OSBP2: variants seen among roughly 807,000 people sequenced by gnomAD.
OSBP2 encodes the protein oxysterol-binding protein 2.
Under a neutral mutation model 96.0 loss-of-function variants are expected in OSBP2, and 66 were observed. That is an observed-to-expected ratio of 0.69 (90% confidence interval 0.56 to 0.84). The LOEUF is 0.84. Ranked by LOEUF, OSBP2 falls within the 40% of genes least tolerant of loss-of-function variation. The pLI is 0.00. For missense variants in OSBP2, 1,038 were observed against 1,222.7 expected, an observed-to-expected ratio of 0.85 and a Z score of 2.25; for synonymous variants, 525 against 520.9, an observed-to-expected ratio of 1.01 and a Z score of -0.11.
At chr22:30,703,491 T>C (rs928914688) in intron 1 of OSBP2, among the ~76,000 whole-genome samples, 28 of 150,978 alleles carry the variant, frequency 1.9e-4, no homozygotes, top group African/African-American at 6.6e-4. Context: ...TTTTTTTTTT[T>C]TTTAGACAGA....
rs2089752019 is a variant in OSBP2, at chr22:30,730,769, T to TCTCTC, written c.645-10391_645-10387dup. Among the ~76,000 whole-genome samples, 17 of 48,358 alleles carry TCTCTC rather than the reference T, an allele frequency of 3.5e-4. 1 individual carries two copies. The highest frequency in any genetic ancestry group is 5.5e-4 in the Non-Finnish European group (15 of 27,304). The allele number at this position is 48,358 out of a possible 152,430, so 31.7% of individuals were successfully genotyped here. On this transcript the variant is annotated intron_variant, in intron 1 of 13. Transcript: ENST00000332585. The stretch of plus-strand genomic sequence containing the variant: ...CTCTCTCTCTCTCTCTCTCTCTCTC[T>TCTCTC]CTCTCTATATATATATATATATATA...
At chr22:30,865,944 G>A (rs139582589) in intron 2 of OSBP2, among the ~76,000 whole-genome samples, 1 of 152,312 alleles carries the variant, frequency 6.6e-6, no homozygotes, top group Non-Finnish European at 1.5e-5. Flanking sequence ...GTCTTTGCAG[G>A]AAGGACAGAG....
At chr22:30,819,722 A>G (rs1353177873) in intron 2 of OSBP2, among the ~76,000 whole-genome samples, 3 of 152,006 alleles carry the variant, frequency 2.0e-5, no homozygotes, top group Non-Finnish European at 4.4e-5. Context: ...TTTTAAAATT[A>G]TTTTTTCTGT....
intron 2 of OSBP2, among the ~76,000 whole-genome samples, chr22:30,849,959 T>G (rs1251247597): frequency 6.6e-6 from 1 of 152,212 alleles, no homozygotes; most frequent in Admixed American, 6.5e-5. Flanking sequence ...TACTATTTTT[T>G]TTAAATGAAG....
chr22:30,830,756 C>G (rs751381749), intron 2 of OSBP2, among the ~76,000 whole-genome samples: 8 of 152,204 alleles, frequency 5.3e-5, no homozygotes, highest in Non-Finnish European at 1.0e-4. Context: ...ACTGTTTAGA[C>G]AACAATTCCA....
chr22:30,702,100 TTCCCTCCCTCA>T (rs1415950526), intron 1 of OSBP2, among the ~76,000 whole-genome samples: 3 of 152,174 alleles, frequency 2.0e-5, no homozygotes, highest in Admixed American at 1.3e-4. Flanking sequence ...TTGCTGCCTC[TTCCCTCCCTCA>T]TCCCACATTA....
chr22:30,697,442 T>C (rs2089065033), intron 1 of OSBP2, among the ~76,000 whole-genome samples: 4 of 152,014 alleles, frequency 2.6e-5, no homozygotes, highest in Non-Finnish European at 5.9e-5. Context: ...CCACACACGG[T>C]TAATTTTTGT....
intron 2 of OSBP2, among the ~76,000 whole-genome samples, chr22:30,778,188 T>TTTTTTTTTTTTTTTG (rs2090461918): frequency 6.8e-6 from 1 of 146,010 alleles, no homozygotes; most frequent in Admixed American, 6.9e-5. Context: ...TTTTTTTTTT[T>TTTTTTTTTTTTTTTG]TTAGTAGAGA....
At chr22:30,805,409 G>A (rs1246078739) in intron 2 of OSBP2, among the ~76,000 whole-genome samples, 7 of 152,214 alleles carry the variant, frequency 4.6e-5, no homozygotes, top group African/African-American at 1.4e-4. Flanking sequence ...GTTAATGAGT[G>A]AAAAGAGATC....
chr22:30,899,873 AT>A (rs2040158937), intron 12 of OSBP2, among the ~76,000 whole-genome samples: 1 of 152,246 alleles, frequency 6.6e-6, no homozygotes. Flanking sequence ...ATTTCAATAG[AT>A]TCAGAAAAAT....
chr22:30,887,927 C>A (rs2039852408), intron 4 of OSBP2, among the ~76,000 whole-genome samples: 1 of 152,216 alleles, frequency 6.6e-6, no homozygotes, highest in Non-Finnish European at 1.5e-5. Flanking sequence ...CATGGGGACC[C>A]TGGACAGGGG....
At chr22:30,895,773 T>C (rs2040050298) in intron 12 of OSBP2, among the ~76,000 whole-genome samples, 1 of 151,914 alleles carries the variant, frequency 6.6e-6, no homozygotes, top group Non-Finnish European at 1.5e-5. Flanking sequence ...ACCCCGTCTC[T>C]ACTAAAATAC....
rs777229880 is a variant in OSBP2, at chr22:30,695,477, C to T, written c.568C>T (p.Leu190Phe). The T allele has an allele frequency of 1.3e-4, 207 of 1,613,296 alleles. No homozygotes were observed. The highest frequency in any genetic ancestry group is 1.7e-4 in the Non-Finnish European group (197 of 1,180,050). The change falls in exon 1 of 14, where the codon CTC becomes TTC. Residue 190 changes from leucine to phenylalanine, a missense_variant. Leu to Phe is a conservative substitution (Grantham distance 22, BLOSUM62 0). This residue lies in a region of OSBP2 where 281 missense variants were observed against 273.4 expected (regional missense o/e 1.03). Transcript: ENST00000332585. ...LPLDSFEGWL[L>F]KWTNYLKGYQ... Reference sequence around the variant, plus strand: ...TCTGGACAGCTTCGAGGGCTGGCTTCTCAAGTGGACCAACTATCTGAAGGG... The same window carrying T: ...TCTGGACAGCTTCGAGGGCTGGCTTTTCAAGTGGACCAACTATCTGAAGGG...
intron 12 of OSBP2, chr22:30,902,137 AAC>A (rs1569176244): frequency 5.9e-5 from 12 of 202,644 alleles, no homozygotes; most frequent in African/African-American, 2.3e-4. Context: ...AAAAAAAAAA[AAC>A]CAAAAAAAAA....
intron 2 of OSBP2, among the ~76,000 whole-genome samples, chr22:30,837,144 C>T (rs1447356814): frequency 6.6e-6 from 1 of 151,746 alleles, no homozygotes; most frequent in African/African-American, 2.4e-5. Flanking sequence ...TACCTGTAAT[C>T]CCAGCTACTA....
At chr22:30,898,057 T>G (rs1378103983) in intron 12 of OSBP2, among the ~76,000 whole-genome samples, 2 of 152,286 alleles carry the variant, frequency 1.3e-5, no homozygotes, top group East Asian at 3.9e-4. Flanking sequence ...CTTTCTCCTT[T>G]GAGTTTCAAT....
intron 1 of OSBP2, among the ~76,000 whole-genome samples, chr22:30,712,116 G>C (rs1393941652): frequency 4.6e-5 from 7 of 152,162 alleles, no homozygotes; most frequent in Non-Finnish European, 8.8e-5. Context: ...GAGAAAGACA[G>C]AGCGTGTCAG....
chr22:30,809,968 T>A (rs531439107), intron 2 of OSBP2, among the ~76,000 whole-genome samples: 4 of 152,026 alleles, frequency 2.6e-5, no homozygotes, highest in Non-Finnish European at 4.4e-5. Context: ...GGAAAAGTTA[T>A]GATGAGGGAG....
At chr22:30,700,751 G>A (rs968121009) in intron 1 of OSBP2, among the ~76,000 whole-genome samples, 1 of 152,122 alleles carries the variant, frequency 6.6e-6, no homozygotes, top group Middle Eastern at 3.4e-3. Context: ...AATTAGCCTA[G>A]GTCTATAAGG....
Sources: allele counts gnomAD v4.1 joint callset (sites outside exome capture counted in the v4.1 genomes callset), GRCh38; gene constraint gnomAD v4.1.1; regional missense constraint gnomAD v4.1.1; transcripts MANE v1.5; gene names NCBI Gene and HGNC (gene_info 2026-07-23, HGNC 2026-07-21).